The following PREPL variants were observed in gnomAD, a reference collection of about 807,000 sequenced individuals.
The protein encoded by PREPL is prolyl endopeptidase like, also known as prolyl endopeptidase-like.
Under a neutral mutation model 70.6 loss-of-function variants are expected in PREPL, and 77 were observed. The observed-to-expected ratio is 1.09, with a 90% CI of 0.91 to 1.32. PREPL has a LOEUF of 1.32. PREPL is among the 40% of genes most tolerant of loss of function. PREPL has a pLI of 0.00. For missense variants in PREPL, 1,002 were observed against 778.2 expected (o/e 1.29, Z -3.42); for synonymous variants, 315 against 264.8 (o/e 1.19, Z -1.84).
At position 44,321,035 on chromosome 2, in the gene PREPL, T is replaced by C; in HGVS notation, c.*321A>G. The C allele has an allele frequency of 2.5e-6, 1 of 394,000 alleles. No individual in the cohort carries two copies. The highest frequency in any genetic ancestry group is 5.4e-5 in the East Asian group (1 of 18,564). The allele number at this position is 394,000 out of a possible 1,614,324, so 24.4% of individuals were successfully genotyped here. A position where few individuals can be genotyped will look rare whatever the true frequency, so the allele number is the denominator to read the frequency against. On this transcript the variant is annotated 3_prime_UTR_variant, in exon 14 of 14. Transcript: ENST00000409411. ...GCTAGCAAAGAGGCAGGACACTAATTTGTAAACTGCTCAACTGTTCTGACT... is the reference window on the plus strand; with the variant it reads ...GCTAGCAAAGAGGCAGGACACTAATCTGTAAACTGCTCAACTGTTCTGACT...
chr2:44,356,998 G>T (rs982583670), intron 1 of PREPL, among the ~76,000 whole-genome samples: 1 of 152,162 alleles, frequency 6.6e-6, no homozygotes, highest in African/African-American at 2.4e-5. Context: ...TAGAGTTGGG[G>T]TTTTGCCATG....
intron 1 of PREPL, chr2:44,360,618 C>T (rs1394194506): frequency 6.6e-6 from 1 of 152,102 alleles, no homozygotes; most frequent in Non-Finnish European, 1.5e-5. Flanking sequence ...GTCAGAGAGA[C>T]CTGGGTTGAG....
At chr2:44,325,016 T>C (rs1159198863) in intron 10 of PREPL, among the ~76,000 whole-genome samples, 1 of 152,220 alleles carries the variant, frequency 6.6e-6, no homozygotes, top group Admixed American at 6.5e-5. Context: ...TCCCTCATAT[T>C]AACATTAACC....
intron 8 of PREPL, among the ~76,000 whole-genome samples, chr2:44,331,781 A>C (rs1350536357): frequency 1.3e-5 from 2 of 152,132 alleles, no homozygotes; most frequent in Non-Finnish European, 2.9e-5. Flanking sequence ...TGTATGCTCC[A>C]TGAGGGCAGG....
At chr2:44,359,488 A>C in intron 1 of PREPL, 1 of 1,575,438 alleles carries the variant, frequency 6.3e-7, no homozygotes, top group Non-Finnish European at 8.7e-7. Context: ...TAACTTAAAC[A>C]GTCCATACCT....
rs776058554 is a variant in PREPL, at chr2:44,328,989, C to G, written c.1210G>C (p.Glu404Gln). ...GMDLKMNFRP[E>Q]RRVLVDDGWI... ...CCATCATCCACCAGGACCCGCCTCTCAGGCCTGAAATTCATTTTCAAATCC... is the reference window on the plus strand; with the variant it reads ...CCATCATCCACCAGGACCCGCCTCTGAGGCCTGAAATTCATTTTCAAATCC... Residue 404 changes from glutamate (E) to glutamine (Q), a missense_variant, in exon 9 of 14, where the codon GAG becomes CAG. Transcript: ENST00000409411. 2.5e-6 allele frequency: 4 copies of G among 1,614,124 alleles called. No homozygotes were observed. Among genetic ancestry groups the G allele is most frequent in the Non-Finnish European group, 3.4e-6 (4 of 1,180,004 alleles).
chr2:44,327,492 G>A (rs1267956663), intron 9 of PREPL, among the ~76,000 whole-genome samples: 1 of 152,160 alleles, frequency 6.6e-6, no homozygotes, highest in African/African-American at 2.4e-5. Context: ...AGAGGGCAAA[G>A]AAAAGGCATT....
chr2:44,329,281 G>C (rs1485468908), intron 8 of PREPL, among the ~76,000 whole-genome samples, 169 bp from the exon 9 acceptor site: 1 of 152,172 alleles, frequency 6.6e-6, no homozygotes, highest in East Asian at 1.9e-4. Flanking sequence ...ATAAATCATG[G>C]CTTTTGGTTT....
intron 10 of PREPL, 81 bp from the exon 11 acceptor site, chr2:44,323,492 A>G: frequency 9.1e-7 from 1 of 1,103,934 alleles, no homozygotes; most frequent in Non-Finnish European, 1.3e-6. Context: ...TTTTATGAAT[A>G]TACATACTAA....
At chr2:44,336,184 G>A (rs1486305386) in intron 7 of PREPL, among the ~76,000 whole-genome samples, 3 of 152,130 alleles carry the variant, frequency 2.0e-5, no homozygotes, top group Non-Finnish European at 2.9e-5. Context: ...ATTTGACTCA[G>A]CAATCCCATT....
chr2:44,329,544 A>G (rs894668695), intron 8 of PREPL, among the ~76,000 whole-genome samples: 6 of 152,196 alleles, frequency 3.9e-5, no homozygotes, highest in South Asian at 2.1e-4. Flanking sequence ...TATGCTGACT[A>G]AAGTCTTACC....
intron 1 of PREPL, among the ~76,000 whole-genome samples, chr2:44,351,291 C>A (rs1676407965): frequency 6.6e-6 from 1 of 152,048 alleles, no homozygotes; most frequent in Non-Finnish European, 1.5e-5. Flanking sequence ...TACTTCTCTT[C>A]TTTGCAGTCT....
In PREPL at chr2:44,357,627, A is replaced by G. The variant is rs552105361; in HGVS notation, c.-49+3753T>C. On this transcript the variant is annotated intron_variant, in intron 1 of 13. Transcript: ENST00000409411. Reference sequence around the variant, plus strand: ...AAGAGAACGGAAAAGTTGCTTCAGGAACAAATGGAGGGAAGAAATAGTCAA... The same window carrying G: ...AAGAGAACGGAAAAGTTGCTTCAGGGACAAATGGAGGGAAGAAATAGTCAA... Among the ~76,000 whole-genome samples, 5 of 152,372 alleles carry G rather than the reference A, an allele frequency of 3.3e-5. No homozygotes were observed. In the East Asian group the frequency reaches 9.6e-4, roughly 29 times the overall value.
At chr2:44,327,967 T>C (rs541484361) in intron 9 of PREPL, among the ~76,000 whole-genome samples, 4 of 150,876 alleles carry the variant, frequency 2.7e-5, no homozygotes, top group Non-Finnish European at 4.4e-5. Flanking sequence ...CTGGGCAACA[T>C]TGGAAAACCC....
chr2:44,359,896 A>G, intron 1 of PREPL: 1 of 562,102 alleles, frequency 1.8e-6, no homozygotes, highest in Non-Finnish European at 3.1e-6. Context: ...AACTTAGGCT[A>G]ACTAAATCTA....
chr2:44,320,281 G>A lies in PREPL; in HGVS notation c.*1075C>T. On this transcript the variant is annotated 3_prime_UTR_variant, in exon 14 of 14. Transcript: ENST00000409411. ...CATGCCAATGAGCTACTCCTCAACAGGGGCTGGTTTTGCCATTTGAGGAAT... is the reference window on the plus strand; with the variant it reads ...CATGCCAATGAGCTACTCCTCAACAAGGGCTGGTTTTGCCATTTGAGGAAT... 1.9e-6 allele frequency: 3 copies of A among 1,613,970 alleles called. No homozygotes were observed. The highest frequency in any genetic ancestry group is 2.5e-6 in the Non-Finnish European group (3 of 1,179,882).
chr2:44,338,141 C>T (rs1459820349), intron 7 of PREPL, among the ~76,000 whole-genome samples: 1 of 152,158 alleles, frequency 6.6e-6, no homozygotes, highest in Non-Finnish European at 1.5e-5. Context: ...AAGACACTAT[C>T]TTAAGTAAAA....
At chr2:44,341,052 T>G (rs1427334349) in intron 5 of PREPL, among the ~76,000 whole-genome samples, 1 of 152,150 alleles carries the variant, frequency 6.6e-6, no homozygotes, top group African/African-American at 2.4e-5. Flanking sequence ...GAGTTTAATA[T>G]TTTACGTAAT....
intron 1 of PREPL, chr2:44,359,753 G>A (rs746313200): frequency 1.4e-6 from 2 of 1,387,060 alleles, no homozygotes; most frequent in Non-Finnish European, 2.0e-6. Flanking sequence ...TTTTGGGGCT[G>A]CCAGCACACG....
Sources: allele counts gnomAD v4.1 joint callset (sites outside exome capture counted in the v4.1 genomes callset), GRCh38; gene constraint gnomAD v4.1.1; transcripts MANE v1.5; gene names NCBI Gene and HGNC (gene_info 2026-07-23, HGNC 2026-07-21).